Variants in UBE2V2 observed in about 807,000 individuals in gnomAD.
The protein encoded by UBE2V2 is ubiquitin conjugating enzyme E2 V2, also known as ubiquitin-conjugating enzyme E2 variant 2.
In UBE2V2, 9 loss-of-function variants were observed where a neutral mutation model predicts 17.2. The ratio of observed to expected loss-of-function variants is 0.52; its 90% CI spans 0.32 to 0.91. The LOEUF (loss-of-function observed/expected upper bound fraction) is 0.91, where lower values mean the gene tolerates loss of function less well. UBE2V2 is among the 40% of genes least tolerant of loss of function. UBE2V2 has a pLI of 0.04. For missense variants in UBE2V2, 133 were observed against 182.6 expected, an observed-to-expected ratio of 0.73 and a Z score of 1.56; for synonymous variants, 61 against 57.5, an observed-to-expected ratio of 1.06 and a Z score of -0.28.
At chr8:48,006,188 G>T (rs1294974573), upstream of UBE2V2, among the ~76,000 whole-genome samples, 2 of 152,116 alleles carry the variant, frequency 1.3e-5, no homozygotes, top group South Asian at 4.1e-4. Context: ...GTTAATTTTT[G>T]TATAAGGTGT....
upstream of UBE2V2, among the ~76,000 whole-genome samples, chr8:48,005,297 C>G (rs2091177006): frequency 6.6e-6 from 1 of 152,048 alleles, no homozygotes; most frequent in Non-Finnish European, 1.5e-5. Context: ...TGATAGTTTG[C>G]TGAGAATGAC....
the UBE2V2 span, among the ~76,000 whole-genome samples, chr8:47,998,243 A>C: frequency 6.6e-6 from 1 of 151,996 alleles, no homozygotes; most frequent in African/African-American, 2.4e-5. Flanking sequence ...TTGAGATTGC[A>C]TAGGAGGCAC....
At chr8:48,055,301 G>A (rs911063635) in intron 3 of UBE2V2, among the ~76,000 whole-genome samples, 1 of 150,880 alleles carries the variant, frequency 6.6e-6, no homozygotes, top group African/African-American at 2.4e-5. Context: ...CTGGGTTCAA[G>A]TGACTCTCCT....
chr8:48,053,523 A>G (rs532368367), intron 3 of UBE2V2, among the ~76,000 whole-genome samples: 16 of 150,298 alleles, frequency 1.1e-4, no homozygotes, highest in Non-Finnish European at 2.1e-4. Flanking sequence ...TCCCAGGTTC[A>G]AGCAATTCTC....
At chr8:48,020,203 T>C (rs1343649368) in intron 1 of UBE2V2, among the ~76,000 whole-genome samples, 3 of 152,050 alleles carry the variant, frequency 2.0e-5, no homozygotes, top group Non-Finnish European at 4.4e-5. Flanking sequence ...GCCTTGCTAA[T>C]TTTTTATATT....
chr8:48,035,148 C>A (rs1010916928), intron 1 of UBE2V2: 3 of 960,940 alleles, frequency 3.1e-6, no homozygotes, highest in East Asian at 2.6e-4. Context: ...TGGAGTCTCA[C>A]TCTGTCGCCG....
the UBE2V2 span, among the ~76,000 whole-genome samples, chr8:47,998,813 C>T: frequency 6.6e-6 from 1 of 152,084 alleles, no homozygotes; most frequent in Non-Finnish European, 1.5e-5. Context: ...CAAAGTCAGG[C>T]GAGCAAGTTT....
In UBE2V2 at chr8:48,063,516, TATACTA is replaced by T. The variant is rs1802624135; in HGVS notation, c.*2692_*2697del. 1 of 152,240 alleles carries T rather than the reference TATACTA, an allele frequency of 6.6e-6. No individual in the cohort carries two copies. The highest frequency in any genetic ancestry group is 2.4e-5 in the African/African-American group (1 of 41,468). 9.4% of individuals were successfully genotyped at this position (152,240 alleles called of 1,614,324 possible). A position where few individuals can be genotyped will look rare whatever the true frequency, so the allele number is the denominator to read the frequency against. On this transcript the variant is annotated 3_prime_UTR_variant, in exon 4 of 4. Coordinates refer to ENST00000523111, the MANE Select transcript of UBE2V2 (RefSeq NM_003350.3). ...CAAGTGAGACCCTTGAGGATGATCA[TATACTA>T]ATAAAGATTACCAAAAGAAACTTCT... is the stretch of plus-strand genomic sequence containing the variant.
upstream of UBE2V2, among the ~76,000 whole-genome samples, chr8:48,006,855 A>G (rs913310072): frequency 6.6e-6 from 1 of 152,030 alleles, no homozygotes; most frequent in African/African-American, 2.4e-5. Context: ...CGAAAACTGG[A>G]ATGAAGGATT....
chr8:48,028,410 C>T (rs2091360560), intron 1 of UBE2V2, among the ~76,000 whole-genome samples: 1 of 150,414 alleles, frequency 6.6e-6, no homozygotes, highest in Non-Finnish European at 1.5e-5. Flanking sequence ...GCAATCTTGG[C>T]TCACTGCAAC....
intron 1 of UBE2V2, among the ~76,000 whole-genome samples, chr8:48,017,245 A>C (rs537584869): frequency 2.6e-5 from 4 of 152,128 alleles, no homozygotes; most frequent in African/African-American, 9.6e-5. Flanking sequence ...ATGTCTATTC[A>C]GATCTTTTAC....
intron 1 of UBE2V2, chr8:48,035,107 CTTTT>C (rs578114987): frequency 3.5e-3 from 2,947 of 842,802 alleles, no homozygotes; most frequent in Middle Eastern, 4.4e-3. Flanking sequence ...CCTATTTATT[CTTTT>C]TTTTTTTTTT....
intron 1 of UBE2V2, among the ~76,000 whole-genome samples, chr8:48,031,409 A>G (rs1047600817): frequency 2.6e-5 from 4 of 152,158 alleles, no homozygotes; most frequent in Non-Finnish European, 4.4e-5. Context: ...TAGCTGAGTT[A>G]ATATCTAACA....
intron 1 of UBE2V2, among the ~76,000 whole-genome samples, chr8:48,025,885 C>T (rs1003412853): frequency 6.6e-6 from 1 of 152,134 alleles, no homozygotes; most frequent in Non-Finnish European, 1.5e-5. Flanking sequence ...CAGGCGTGAG[C>T]CACCGCACCG....
rs1256580983 is a variant in UBE2V2, at chr8:48,051,421, A to G, written c.291+1443A>G. On this transcript the variant is annotated intron_variant, in intron 3 of 3. Coordinates refer to ENST00000523111, the MANE Select transcript of UBE2V2 (RefSeq NM_003350.3). ...TCCCATCCCTGCGTTCCCTCTCTCT[A>G]CCAGTGTATTTTGTACTACAAATGT... Among the ~76,000 whole-genome samples, 4 of 152,014 alleles carry G rather than the reference A, an allele frequency of 2.6e-5. No individual in the cohort carries two copies. The East Asian group carries it at 7.7e-4, about 29-fold the overall frequency.
At chr8:48,047,679 T>G (rs1037170280) in intron 2 of UBE2V2, among the ~76,000 whole-genome samples, 1 of 152,042 alleles carries the variant, frequency 6.6e-6, no homozygotes, top group Non-Finnish European at 1.5e-5. Context: ...TGCCTCAGCC[T>G]CCCGACTAGC....
At chr8:48,028,448 C>T (rs914726108) in intron 1 of UBE2V2, among the ~76,000 whole-genome samples, 1 of 151,786 alleles carries the variant, frequency 6.6e-6, no homozygotes, top group African/African-American at 2.4e-5. Flanking sequence ...AAGCAATTCT[C>T]CTGCCTCAGC....
chr8:48,048,903 A>G (rs1301317319), intron 2 of UBE2V2, among the ~76,000 whole-genome samples: 2 of 151,914 alleles, frequency 1.3e-5, no homozygotes, highest in Non-Finnish European at 2.9e-5. Flanking sequence ...TAATTTAGAA[A>G]ATTTAAAGTT....
At chr8:48,006,154 G>C (rs1019250315), upstream of UBE2V2, among the ~76,000 whole-genome samples, 1 of 152,074 alleles carries the variant, frequency 6.6e-6, no homozygotes, top group Non-Finnish European at 1.5e-5. Flanking sequence ...TAGGTCTTAC[G>C]TTTAAGTCTT....
Sources: gnomAD v4.1 joint callset for allele counts (sites outside exome capture counted in the v4.1 genomes callset) on GRCh38, gnomAD v4.1.1 for gene constraint, MANE v1.5 for transcripts, NCBI Gene and HGNC (gene_info 2026-07-23, HGNC 2026-07-21) for gene names.